The following ANO10 variants were observed in gnomAD, a reference collection of about 807,000 sequenced individuals.
ANO10 encodes the protein anoctamin-10.
ANO10 carries 77 observed loss-of-function variants against 74.7 expected under a neutral mutation model. The ratio of observed to expected loss-of-function variants is 1.03; its 90% confidence interval spans 0.86 to 1.25. The LOEUF is 1.25. Ranked by LOEUF, ANO10 falls within the 50% of genes most tolerant of loss-of-function variation. ANO10 has a pLI of 0.00. For missense variants in ANO10, 721 were observed against 778.1 expected (o/e 0.93, Z 0.87); for synonymous variants, 279 against 284.9 (o/e 0.98, Z 0.21).
At chr3:43,567,707 T>C (rs1385571700) in intron 7 of ANO10, among the ~76,000 whole-genome samples, 5 of 151,762 alleles carry the variant, frequency 3.3e-5, no homozygotes, top group Admixed American at 3.3e-4. Flanking sequence ...AAGGAACAAC[T>C]GGTACCAGCC....
intron 11 of ANO10, among the ~76,000 whole-genome samples, chr3:43,435,391 C>G (rs756953228): frequency 2.2e-4 from 33 of 152,096 alleles, no homozygotes; most frequent in Non-Finnish European, 4.0e-4. Context: ...CATCTGTAAT[C>G]CCAGCTACTT....
At chr3:43,503,555 A>G (rs2077175463) in intron 11 of ANO10, among the ~76,000 whole-genome samples, 1 of 152,232 alleles carries the variant, frequency 6.6e-6, no homozygotes, top group South Asian at 2.1e-4. Context: ...AAGGGGGCAG[A>G]GCTAAGCCAT....
At chr3:43,574,681 C>A in intron 7 of ANO10, 128 bp downstream of exon 7, 1 of 753,670 alleles carries the variant, frequency 1.3e-6, no homozygotes, top group East Asian at 2.7e-5. Context: ...ATTAATCAAT[C>A]CTTGCCTATT....
At chr3:43,571,161 C>T (rs1432319839) in intron 7 of ANO10, among the ~76,000 whole-genome samples, 68 of 150,154 alleles carry the variant, frequency 4.5e-4, no homozygotes, top group Middle Eastern at 3.4e-3. Flanking sequence ...GTTAGAATGG[C>T]AATCATTAAA....
intron 1 of ANO10, among the ~76,000 whole-genome samples, chr3:43,606,429 A>C (rs1327365164): frequency 1.3e-5 from 2 of 152,114 alleles, no homozygotes; most frequent in Non-Finnish European, 2.9e-5. Context: ...TCTAACATAC[A>C]ATGGGAGTCA....
chr3:43,454,443 G>A (rs1051571773), intron 11 of ANO10, among the ~76,000 whole-genome samples: 3 of 152,118 alleles, frequency 2.0e-5, no homozygotes, highest in Non-Finnish European at 4.4e-5. Context: ...GCAGAAGGGT[G>A]GCCCAAGAAC....
intron 1 of ANO10, among the ~76,000 whole-genome samples, chr3:43,659,323 T>C (rs1282552435): frequency 6.6e-6 from 1 of 152,098 alleles, no homozygotes; most frequent in South Asian, 2.1e-4. Context: ...TGTGAGTGAC[T>C]GTACCTGGAG....
chr3:43,392,796 T>C (rs2092302829), intron 12 of ANO10, among the ~76,000 whole-genome samples: 1 of 152,086 alleles, frequency 6.6e-6, no homozygotes, highest in Admixed American at 6.5e-5. Flanking sequence ...TGCATTTAAG[T>C]TGTCTATCCT....
intron 11 of ANO10, among the ~76,000 whole-genome samples, chr3:43,452,966 C>T (rs2074946079): frequency 6.6e-6 from 1 of 152,132 alleles, no homozygotes; most frequent in South Asian, 2.1e-4. Flanking sequence ...GCTTGCTGGC[C>T]ACTTAAAAAA....
chr3:43,633,517 C>T (rs892369958), intron 1 of ANO10, among the ~76,000 whole-genome samples: 4 of 152,100 alleles, frequency 2.6e-5, no homozygotes, highest in African/African-American at 9.7e-5. Context: ...TAATACATTC[C>T]TAGAATAAAG....
In ANO10 at chr3:43,633,145, T is replaced by G. The variant is rs551772828; in HGVS notation, c.-11-27282A>C. 7.2e-4 allele frequency among the ~76,000 whole-genome samples: 110 copies of G among 152,342 alleles called. 1 individual carries two copies. Among genetic ancestry groups the G allele is most frequent in the African/African-American group, 2.5e-3 (106 of 41,586 alleles). ...ATTTTCACGTATTAAAAGACCTATC[T>G]CGTCCCCCCGGAAAGAAATATTAGG... On this transcript the variant is annotated intron_variant, in intron 1 of 3. Coordinates refer to the ANO10 transcript ENST00000413397.
upstream of ANO10, among the ~76,000 whole-genome samples, chr3:43,622,841 C>T (rs1345614005): frequency 6.6e-6 from 1 of 152,138 alleles, no homozygotes; most frequent in Non-Finnish European, 1.5e-5. Context: ...TCTCCTATTT[C>T]TTCTGTCCAC....
At chr3:43,509,981 A>T (rs913935781) in intron 11 of ANO10, among the ~76,000 whole-genome samples, 1 of 152,172 alleles carries the variant, frequency 6.6e-6, no homozygotes, top group African/African-American at 2.4e-5. Flanking sequence ...TTTATATAAC[A>T]TTTTTGAGAG....
At chr3:43,459,542 G>T (rs2075288842) in intron 11 of ANO10, among the ~76,000 whole-genome samples, 1 of 152,192 alleles carries the variant, frequency 6.6e-6, no homozygotes, top group South Asian at 2.1e-4. Context: ...CAAGTGCGGA[G>T]TGAGGAGAAC....
chr3:43,640,850 A>C lies in ANO10; in HGVS notation c.-11-34987T>G, dbSNP rs574280543. Among the ~76,000 whole-genome samples the C allele has an allele frequency of 4.9e-4, 74 of 152,312 alleles. 1 individual carries two copies. The highest frequency in any genetic ancestry group is 1.7e-3 in the African/African-American group (71 of 41,564). ...TACTTTTGATAGATTGTCATGGTTG[A>C]TTGTCTAATTCCCCAGTCATGCGAG... On this transcript the variant is annotated intron_variant, in intron 1 of 3. Coordinates refer to the ANO10 transcript ENST00000413397.
chr3:43,473,278 C>T (rs946484115), intron 11 of ANO10, among the ~76,000 whole-genome samples: 11 of 152,106 alleles, frequency 7.2e-5, no homozygotes, highest in Admixed American at 2.0e-4. Flanking sequence ...TCTCTCATGA[C>T]GAGACACTGT....
chr3:43,599,360 G>A (rs936640978), intron 3 of ANO10, among the ~76,000 whole-genome samples: 3 of 151,922 alleles, frequency 2.0e-5, no homozygotes, highest in Non-Finnish European at 4.4e-5. Context: ...GTTCTTTCCT[G>A]AAAATATTCT....
intron 4 of ANO10, among the ~76,000 whole-genome samples, chr3:43,591,984 G>A (rs551096863): frequency 1.2e-4 from 18 of 152,338 alleles, no homozygotes; most frequent in South Asian, 1.0e-3. Flanking sequence ...CCACGCCCAC[G>A]GAGCCTTGCT....
chr3:43,522,560 G>A (rs1018339058), intron 11 of ANO10, among the ~76,000 whole-genome samples: 1 of 152,114 alleles, frequency 6.6e-6, no homozygotes, highest in Non-Finnish European at 1.5e-5. Context: ...GTTTAATATA[G>A]ACAACTGTGT....
Sources: allele counts gnomAD v4.1 joint callset (sites outside exome capture counted in the v4.1 genomes callset), GRCh38; gene constraint gnomAD v4.1.1; transcripts MANE v1.5; gene names NCBI Gene and HGNC (gene_info 2026-07-23, HGNC 2026-07-21).